SCN2A: variants seen among roughly 807,000 people sequenced by gnomAD.
SCN2A encodes the protein sodium channel protein type 2 subunit alpha.
Under a neutral mutation model 188.7 loss-of-function variants are expected in SCN2A, and 20 were observed. The observed-to-expected ratio is 0.11, with a 90% CI of 0.07 to 0.15. SCN2A has a LOEUF of 0.15. SCN2A is among the 10% of genes least tolerant of loss of function. SCN2A has a pLI of 1.00. For missense variants in SCN2A, 1,278 were observed against 2,445.0 expected, an observed-to-expected ratio of 0.52 and a Z score of 10.07; for synonymous variants, 804 against 833.1, an observed-to-expected ratio of 0.97 and a Z score of 0.60.
At position 165,389,794 on chromosome 2, in the gene SCN2A, A is replaced by G; in HGVS notation, c.5988A>G (p.Lys1996=). 6.2e-7 allele frequency: 1 copy of G among 1,612,282 alleles called. No homozygotes were observed. Residue 1996 remains lysine (K), a synonymous_variant, in exon 27 of 27, where the codon AAA becomes AAG. Coordinates refer to ENST00000375437, the MANE Select transcript of SCN2A (RefSeq NM_001040142.2). This position sits in a 1 kb window ranked among gnomAD's most constrained non-coding sequence, Gnocchi z 4.2. ...AAGACAAATCAGAAAAGGAAGACAA[A>G]GGGAAAGATATCAGGGAAAGTAAAA... ...FEKDKSEKED[K]GKDIRESKK
chr2:165,348,955 T>G (rs1699747167), intron 16 of SCN2A, among the ~76,000 whole-genome samples: 2 of 152,226 alleles, frequency 1.3e-5, no homozygotes, highest in Non-Finnish European at 2.9e-5. Flanking sequence ...AAAGTCACTC[T>G]TCACCACTTC....
intron 19 of SCN2A, among the ~76,000 whole-genome samples, chr2:165,367,743 G>A (rs563643625): frequency 6.6e-6 from 1 of 152,330 alleles, no homozygotes; most frequent in African/African-American, 2.4e-5. Context: ...GAGAACTAGA[G>A]TGCATGGGTG....
intron 1 of SCN2A, among the ~76,000 whole-genome samples, chr2:165,254,024 A>T (rs777835182): frequency 8.6e-5 from 13 of 151,916 alleles, no homozygotes; most frequent in Non-Finnish European, 1.5e-4. Flanking sequence ...TAACTTTGAC[A>T]TAAATATTTA....
chr2:165,365,462 GA>G (rs1039352222), intron 18 of SCN2A, among the ~76,000 whole-genome samples, 199 bp downstream of exon 18: 103 of 138,132 alleles, frequency 7.5e-4, no homozygotes, highest in African/African-American at 2.5e-3. Flanking sequence ...TTTGCTGTTT[GA>G]AAAAAAATGC....
At position 165,389,696 on chromosome 2, in the gene SCN2A, G is replaced by T. The variant is rs1384231143; in HGVS notation, c.5890G>T (p.Asp1964Tyr). The change falls in exon 27 of 27, where the codon GAT becomes TAT. Residue 1964 changes from aspartate (D) to tyrosine (Y), a missense_variant. Physicochemically the swap from Asp to Tyr is radical, Grantham distance 160. Transcript: ENST00000375437. The surrounding 1 kb of genome is among the most constrained non-coding windows in gnomAD (Gnocchi z 4.2). ...LNENSTPEKTDMTPSTTSPPS... is the reference protein window; with the variant it reads ...LNENSTPEKTYMTPSTTSPPS... ...TGAGAATTCAACTCCAGAGAAAACC[G>T]ATATGACGCCTTCCACCACGTCTCC... 3 of 1,613,626 alleles carry T rather than the reference G, an allele frequency of 1.9e-6. No individual in the cohort carries two copies. In the Admixed American group the frequency reaches 5.0e-5, roughly 27 times the overall value.
chr2:165,313,788 G>C, intron 9 of SCN2A, 27 bp downstream of exon 9: 1 of 1,613,522 alleles, frequency 6.2e-7, no homozygotes, highest in Non-Finnish European at 8.5e-7. Context: ...TCATTTTTCT[G>C]AGAATCATAA....
intron 12 of SCN2A, among the ~76,000 whole-genome samples, chr2:165,326,495 A>G (rs1193820223): frequency 6.6e-6 from 1 of 152,102 alleles, no homozygotes; most frequent in African/African-American, 2.4e-5. Flanking sequence ...AGATCTAAAA[A>G]CTCAACCTGG....
chr2:165,389,955 C>T lies in SCN2A; in HGVS notation c.*131C>T. ...GTTTTTACAAATGTATACTTAAGGT[C>T]AGTGCCTATAACAAGACAGAGACCT... is the stretch of plus-strand genomic sequence containing the variant. On this transcript the variant is annotated 3_prime_UTR_variant, in exon 27 of 27. Coordinates refer to ENST00000375437, the MANE Select transcript of SCN2A (RefSeq NM_001040142.2). The surrounding 1 kb of genome is among the most constrained non-coding windows in gnomAD (Gnocchi z 4.2). 6.9e-7 allele frequency: 1 copy of T among 1,439,492 alleles called. No homozygotes were observed. Among genetic ancestry groups the T allele is most frequent in the Non-Finnish European group, 9.2e-7 (1 of 1,084,958 alleles). 89.2% of individuals were successfully genotyped at this position (1,439,492 alleles called of 1,614,324 possible).
At position 165,309,413 on chromosome 2, in the gene SCN2A, C is replaced by A. The variant is rs1697314309; in HGVS notation, c.667C>A (p.Arg223=). ...AGCGTTGAGAACATTCAGAGTTCTC[C>A]GAGCATTGAAAACAATTTCAGTCAT... ...VSALRTFRVL[R]ALKTISVIPG... The change falls in exon 6 of 27, where the codon CGA becomes AGA. Residue 223 remains arginine (R), a synonymous_variant. Coordinates refer to ENST00000375437, the MANE Select transcript of SCN2A (RefSeq NM_001040142.2). The A allele has an allele frequency of 6.2e-7, 1 of 1,613,602 alleles. No individual in the cohort carries two copies. The highest frequency in any genetic ancestry group is 1.7e-5 in the Admixed American group (1 of 59,972).
At position 165,389,833 on chromosome 2, in the gene SCN2A, C is replaced by G. The variant is rs541483828; in HGVS notation, c.*9C>G. 1.3e-6 allele frequency: 2 copies of G among 1,592,510 alleles called. No individual in the cohort carries two copies. Among genetic ancestry groups the G allele is most frequent in the Non-Finnish European group, 1.7e-6 (2 of 1,169,100 alleles). ...GGGAAAGTAAAAAGTAAAAAGAAACCAAGAATTTTCCATTTTGTGATCAAT... is the reference window on the plus strand; with the variant it reads ...GGGAAAGTAAAAAGTAAAAAGAAACGAAGAATTTTCCATTTTGTGATCAAT... On this transcript the variant is annotated 3_prime_UTR_variant, in exon 27 of 27. Coordinates refer to ENST00000375437, the MANE Select transcript of SCN2A (RefSeq NM_001040142.2). The surrounding 1 kb of genome is among the most constrained non-coding windows in gnomAD (Gnocchi z 4.2).
At position 165,389,895 on chromosome 2, in the gene SCN2A, C is replaced by G. The variant is rs1433508210; in HGVS notation, c.*71C>G. 6.5e-7 allele frequency: 1 copy of G among 1,536,756 alleles called. No homozygotes were observed. Among genetic ancestry groups the G allele is most frequent in the Non-Finnish European group, 8.7e-7 (1 of 1,146,822 alleles). On this transcript the variant is annotated 3_prime_UTR_variant, in exon 27 of 27. Coordinates refer to ENST00000375437, the MANE Select transcript of SCN2A (RefSeq NM_001040142.2). The surrounding 1 kb of genome is among the most constrained non-coding windows in gnomAD (Gnocchi z 4.2). ...CGTGATGGTGATGTGTTTGTGTCAA[C>G]AGGACTCCCACAGGAGGTCTATGCC... is the stretch of plus-strand genomic sequence containing the variant.
intron 1 of SCN2A, among the ~76,000 whole-genome samples, chr2:165,274,720 G>A (rs1695258455): frequency 6.6e-6 from 1 of 152,112 alleles, no homozygotes; most frequent in African/African-American, 2.4e-5. Flanking sequence ...ATTTTGCCTT[G>A]TCCACTTCTC....
chr2:165,261,476 G>A (rs1694592723), intron 1 of SCN2A, among the ~76,000 whole-genome samples: 1 of 152,196 alleles, frequency 6.6e-6, no homozygotes, highest in African/African-American at 2.4e-5. Context: ...AAGTGAAACA[G>A]GGAAGTTATA....
At position 165,309,374 on chromosome 2, in the gene SCN2A, C is replaced by T. The variant is rs764647930; in HGVS notation, c.628C>T (p.Leu210=). The stretch of plus-strand genomic sequence containing the variant: ...CAGATATGTGACAGAGTTTGTGGAC[C>T]TGGGCAATGTCTCAGCGTTGAGAAC... ...TFAYVTEFVD[L]GNVSALRTFR... Residue 210 remains leucine, a synonymous_variant, in exon 6 of 27, where the codon CTG becomes TTG. Transcript: ENST00000375437. The T allele has an allele frequency of 6.2e-7, 1 of 1,613,600 alleles. No homozygotes were observed. Among genetic ancestry groups the T allele is most frequent in the Non-Finnish European group, 8.5e-7 (1 of 1,179,702 alleles).
intron 23 of SCN2A, among the ~76,000 whole-genome samples, chr2:165,380,307 C>T (rs1701533685): frequency 6.6e-6 from 1 of 151,664 alleles, no homozygotes; most frequent in African/African-American, 2.4e-5. Context: ...GTGTTGGGAA[C>T]TTTGCTTAGA....
At chr2:165,372,464 C>T (rs1028053552) in intron 20 of SCN2A, 6 of 151,890 alleles carry the variant, frequency 4.0e-5, no homozygotes, top group Non-Finnish European at 7.4e-5. Flanking sequence ...AACAAAATAG[C>T]TTATATAATT....
intron 14 of SCN2A, among the ~76,000 whole-genome samples, chr2:165,339,178 G>A (rs1309782643): frequency 6.6e-6 from 1 of 151,258 alleles, no homozygotes; most frequent in Non-Finnish European, 1.5e-5. Flanking sequence ...CCGAGATTAA[G>A]CCACTGCACT....
At chr2:165,251,618 C>G (rs1694098495) in intron 1 of SCN2A, among the ~76,000 whole-genome samples, 1 of 152,070 alleles carries the variant, frequency 6.6e-6, no homozygotes, top group Non-Finnish European at 1.5e-5. Flanking sequence ...CAACTCCTGC[C>G]AAGTGGCCCC....
At chr2:165,311,479 G>A (rs1697425000) in intron 7 of SCN2A, among the ~76,000 whole-genome samples, 1 of 151,994 alleles carries the variant, frequency 6.6e-6, no homozygotes, top group Admixed American at 6.6e-5. Flanking sequence ...TTGAAAGGCA[G>A]AAATCAAGCA....
Sources: gnomAD v4.1 joint callset for allele counts (sites outside exome capture counted in the v4.1 genomes callset) on GRCh38, gnomAD v4.1.1 for gene constraint, Gnocchi (gnomAD v3.1) non-coding constraint, MANE v1.5 for transcripts, NCBI Gene and HGNC (gene_info 2026-07-23, HGNC 2026-07-21) for gene names.